Variants in TMEM98 observed in about 807,000 individuals in gnomAD.
TMEM98 encodes transmembrane protein 98.
TMEM98 carries 18 observed loss-of-function variants against 25.0 expected under a neutral mutation model. The observed-to-expected ratio is 0.72, with a 90% CI of 0.50 to 1.07. TMEM98 has a LOEUF of 1.07. Among genes scored for constraint, TMEM98 ranks in the 50% least tolerant of loss-of-function variants. TMEM98 has a pLI of 0.00. For synonymous variants in TMEM98, 103 were observed against 112.4 expected, an observed-to-expected ratio of 0.92 and a Z score of 0.53; for missense variants, 241 against 289.0, an observed-to-expected ratio of 0.83 and a Z score of 1.20.
intron 7 of TMEM98, among the ~76,000 whole-genome samples, chr17:32,940,065 CCTTGGATTTATAT>C (rs1329873535): frequency 6.6e-6 from 1 of 152,178 alleles, no homozygotes; most frequent in East Asian, 1.9e-4. Context: ...TTCTTTCGTG[CCTTGGATTTATAT>C]GACTGTGTCA....
chr17:32,928,548 G>A (rs1455997875), intron 1 of TMEM98, among the ~76,000 whole-genome samples: 1 of 151,894 alleles, frequency 6.6e-6, no homozygotes, highest in African/African-American at 2.4e-5. Context: ...TTCTGGAACC[G>A]GAGGGGAAGG....
At position 32,928,182 on chromosome 17, in the gene TMEM98, C is replaced by G. The variant is rs1451639564; in HGVS notation, c.-186C>G. On this transcript the variant is annotated 5_prime_UTR_variant, in exon 1 of 8. Transcript: ENST00000579849. ...TCCGCTGCAGGCCCGCGCCCGCGCC[C>G]GGACTTTGCCATCGGCGGGGCAGTC... 6.7e-6 allele frequency: 1 copy of G among 149,082 alleles called. No homozygotes were observed. Among genetic ancestry groups the G allele is most frequent in the African/African-American group, 2.4e-5 (1 of 40,844 alleles). 9.2% of individuals were successfully genotyped at this position (149,082 alleles called of 1,614,324 possible).
Position 32,931,506 on chromosome 17 carries a change from T to G in TMEM98, c.-23T>G. ...CCCATGAGGAGGATGTGACCGGGAC[T>G]GAGTCAGGAGCCCTCTGGAAGCATG... On this transcript the variant is annotated 5_prime_UTR_variant, in exon 3 of 8. Transcript: ENST00000579849. 6.2e-7 allele frequency: 1 copy of G among 1,602,460 alleles called. No homozygotes were observed. The highest frequency in any genetic ancestry group is 1.1e-5 in the South Asian group (1 of 88,808).
At chr17:32,939,634 G>A in intron 7 of TMEM98, 98 bp downstream of exon 7, 1 of 1,514,194 alleles carries the variant, frequency 6.6e-7, no homozygotes, top group African/African-American at 1.4e-5. Context: ...GTGTAGGGAG[G>A]GTGGCTTTGC....
At chr17:32,932,094 ATTTTTTTTTTT>A (rs774760952) in intron 3 of TMEM98, among the ~76,000 whole-genome samples, 1 of 118,992 alleles carries the variant, frequency 8.4e-6, no homozygotes, top group Non-Finnish European at 1.7e-5. Flanking sequence ...TGCACAGCAG[ATTTTTTTTTTT>A]TTTTTTTTTT....
In TMEM98 at chr17:32,933,236, A is replaced by G; in HGVS notation, c.194A>G (p.Asp65Gly). 1 of 1,614,124 alleles carries G rather than the reference A, an allele frequency of 6.2e-7. No individual in the cohort carries two copies. Among genetic ancestry groups the G allele is most frequent in the Non-Finnish European group, 8.5e-7 (1 of 1,180,020 alleles). ...TCTGAGCCCTCTGAGTTAGAACTGG[A>G]CGATGTCGTTATCACCAACCCCCAC... The part of the protein sequence containing the change: ...TQSEPSELEL[D>G]DVVITNPHIE... Residue 65 changes from aspartate to glycine, a missense_variant, in exon 4 of 8, where the codon GAC (aspartate) becomes GGC (glycine). Transcript: ENST00000579849.
intron 6 of TMEM98, 57 bp from the exon 7 acceptor site, chr17:32,939,420 A>AAAAAAAAAAGG (rs1555555964): frequency 7.7e-7 from 1 of 1,296,034 alleles, no homozygotes. Flanking sequence ...AAAAAAAAAA[A>AAAAAAAAAAGG]AAGGAGAAAA....
intron 1 of TMEM98, among the ~76,000 whole-genome samples, chr17:32,929,600 C>T (rs927470677): frequency 2.6e-5 from 4 of 152,080 alleles, no homozygotes; most frequent in Admixed American, 6.5e-5. Context: ...AGAATTACCC[C>T]CCTCCCCCAC....
At chr17:32,934,415 C>A in intron 5 of TMEM98, 91 bp downstream of exon 5, 1 of 1,461,814 alleles carries the variant, frequency 6.8e-7, no homozygotes, top group Non-Finnish European at 9.5e-7. Flanking sequence ...AGAAAGGGCA[C>A]TGACCTCTCG....
intron 3 of TMEM98, 55 bp from the exon 4 acceptor site, chr17:32,933,119 G>A: frequency 6.2e-7 from 1 of 1,604,208 alleles, no homozygotes; most frequent in Non-Finnish European, 8.5e-7. Context: ...AGTGAGGAGA[G>A]GATCAGCAGC....
chr17:32,933,295 G>A lies in TMEM98; in HGVS notation c.253G>A (p.Glu85Lys), dbSNP rs780648167. The change falls in exon 4 of 8, where the codon GAA becomes AAA. Residue 85 changes from glutamate to lysine, a missense_variant. By Grantham distance (56) the Glu-to-Lys change is moderately conservative. Coordinates refer to ENST00000579849, the MANE Select transcript of TMEM98 (RefSeq NM_015544.3). ...CATTCTGGAGAATGAAGACTGGATCGAAGATGCCTCGTAAGGCCATGGGAA... is the reference window on the plus strand; with the variant it reads ...CATTCTGGAGAATGAAGACTGGATCAAAGATGCCTCGTAAGGCCATGGGAA... Reference protein sequence around the residue: ...EAILENEDWIEDASGLMSHCI... With the variant: ...EAILENEDWIKDASGLMSHCI... 1.2e-6 allele frequency: 2 copies of A among 1,614,142 alleles called. No homozygotes were observed. The highest frequency in any genetic ancestry group is 1.7e-6 in the Non-Finnish European group (2 of 1,179,996).
At chr17:32,940,382 GTCCTATGTTT>G (rs1488685057) in intron 7 of TMEM98, among the ~76,000 whole-genome samples, 1 of 152,040 alleles carries the variant, frequency 6.6e-6, no homozygotes, top group East Asian at 1.9e-4. Flanking sequence ...GGGTGTGTCT[GTCCTATGTTT>G]CAGTGGGCAG....
chr17:32,928,645 CAAAG>C (rs1209562882), intron 1 of TMEM98, among the ~76,000 whole-genome samples: 10 of 151,990 alleles, frequency 6.6e-5, no homozygotes, highest in Non-Finnish European at 1.2e-4. Flanking sequence ...AAGAAAAACA[CAAAG>C]AAACGCCACG....
At chr17:32,938,756 T>C (rs2091511332) in intron 6 of TMEM98, among the ~76,000 whole-genome samples, 1 of 152,292 alleles carries the variant, frequency 6.6e-6, no homozygotes, top group African/African-American at 2.4e-5. Context: ...TCCCTCCCAA[T>C]TGTAGGAAAA....
intron 1 of TMEM98, among the ~76,000 whole-genome samples, chr17:32,929,995 A>C (rs2091458139): frequency 6.6e-6 from 1 of 152,146 alleles, no homozygotes; most frequent in Non-Finnish European, 1.5e-5. Context: ...CCAGTGCATG[A>C]TGCATAGTAG....
rs9894694 is a variant in TMEM98, at chr17:32,939,419, A to G, written c.414-58A>G. The G allele has an allele frequency of 1.7e-5, 25 of 1,436,454 alleles. 1 individual carries two copies. The highest frequency in any genetic ancestry group is 1.0e-4 in the Admixed American group (4 of 39,866). The allele number at this position is 1,436,454 out of a possible 1,614,324, so 89.0% of individuals were successfully genotyped here. On this transcript the variant is annotated intron_variant, in intron 6 of 7. Transcript: ENST00000579849. ...GAGACTCTGTCTCAGGAAAAAAAAAAAAAGGAGAAAAGGAGATCAGGAAAG... is the reference window on the plus strand; with the variant it reads ...GAGACTCTGTCTCAGGAAAAAAAAAGAAAGGAGAAAAGGAGATCAGGAAAG...
At chr17:32,931,752 C>G in intron 3 of TMEM98, 93 bp downstream of exon 3, 1 of 1,479,874 alleles carries the variant, frequency 6.8e-7, no homozygotes, top group South Asian at 1.3e-5. Flanking sequence ...AACTCTAACT[C>G]AGCTTTTTGG....
rs150011433 is a variant in TMEM98, at chr17:32,943,001, A to G, written c.*2008A>G. ...AAGCAGTTCTGAATTGGTATCTCAA[A>G]TACCATCCACCTGGTGTGGGTCTGC... is the stretch of plus-strand genomic sequence containing the variant. On this transcript the variant is annotated 3_prime_UTR_variant, in exon 8 of 8. Transcript: ENST00000579849. 4.6e-5 allele frequency: 7 copies of G among 152,304 alleles called. No homozygotes were observed. The highest frequency in any genetic ancestry group is 1.7e-4 in the African/African-American group (7 of 41,560). The allele number at this position is 152,304 out of a possible 1,614,324, so 9.4% of individuals were successfully genotyped here.
At chr17:32,933,612 T>G (rs563650305) in intron 4 of TMEM98, among the ~76,000 whole-genome samples, 3 of 152,326 alleles carry the variant, frequency 2.0e-5, no homozygotes, top group African/African-American at 7.2e-5. Context: ...GCTTCAGAGA[T>G]GCAGCCCTTT....
Sources: allele counts gnomAD v4.1 joint callset (sites outside exome capture counted in the v4.1 genomes callset), GRCh38; gene constraint gnomAD v4.1.1; transcripts MANE v1.5; gene names NCBI Gene and HGNC (gene_info 2026-07-23, HGNC 2026-07-21).